Variants in MORC2 observed in about 807,000 individuals in gnomAD.
MORC2 encodes the protein ATPase MORC2.
In MORC2, 30 loss-of-function variants were observed where a neutral mutation model predicts 136.0. The ratio of observed to expected loss-of-function variants is 0.22; its 90% CI spans 0.17 to 0.30. MORC2 has a LOEUF of 0.30. Ranked by LOEUF, MORC2 falls within the 10% of genes least tolerant of loss-of-function variation. The pLI, the probability that MORC2 is intolerant of heterozygous loss-of-function variation, is 1.00. For missense variants in MORC2, 922 were observed against 1,333.1 expected, an observed-to-expected ratio of 0.69 and a Z score of 4.80; for synonymous variants, 439 against 487.0, an observed-to-expected ratio of 0.90 and a Z score of 1.30.
intron 3 of MORC2, among the ~76,000 whole-genome samples, chr22:30,955,166 C>G (rs1417483295): frequency 2.0e-5 from 3 of 152,092 alleles, no homozygotes; most frequent in African/African-American, 7.2e-5. Flanking sequence ...CCATGTTGGT[C>G]AGGCTGGTCT....
chr22:30,933,130 AG>A, intron 21 of MORC2, 100 bp from the exon 22 acceptor site: 1 of 1,503,914 alleles, frequency 6.6e-7, no homozygotes. Context: ...TTTGGAGGAC[AG>A]GAACACTTAG....
Position 30,958,836 on chromosome 22 carries a change from T to C in MORC2, c.69-142A>G. ...GCATTGTTTTTATACTACTCAAGGC[T>C]TTCCAGAGCTCCCCAACTCCCCTCA... On this transcript the variant is annotated intron_variant, in intron 1 of 25. Coordinates refer to ENST00000397641, the MANE Select transcript of MORC2 (RefSeq NM_001303256.3). 3 of 632,720 alleles carry C rather than the reference T, an allele frequency of 4.7e-6. No homozygotes were observed. The East Asian group carries it at 8.7e-5, about 18-fold the overall frequency. 39.2% of individuals were successfully genotyped at this position (632,720 alleles called of 1,614,324 possible).
At chr22:30,967,316 G>C in intron 1 of MORC2, 3 of 987,484 alleles carry the variant, frequency 3.0e-6, no homozygotes, top group Non-Finnish European at 3.6e-6. Flanking sequence ...AAATAATATT[G>C]GATGTGAGCA....
chr22:30,965,852 T>C (rs2147330631), intron 1 of MORC2, among the ~76,000 whole-genome samples: 1 of 152,352 alleles, frequency 6.6e-6, no homozygotes, highest in East Asian at 1.9e-4. Context: ...ACCCTTTGCT[T>C]TATAGACAAG....
At chr22:30,939,495 C>T in intron 12 of MORC2, 126 bp downstream of exon 12, 2 of 872,814 alleles carry the variant, frequency 2.3e-6, no homozygotes, top group Non-Finnish European at 3.5e-6. Flanking sequence ...TTCCCTCCTG[C>T]AGGAGGCATT....
In MORC2 at chr22:30,937,619, G is replaced by A. The variant is rs1356503784; in HGVS notation, c.1462C>T (p.Arg488Trp). The change falls in exon 15 of 26, where the codon CGG (arginine) becomes TGG (tryptophan). Residue 488 changes from arginine (R) to tryptophan (W), a missense_variant. Arg to Trp is a moderately radical substitution (Grantham distance 101). This residue lies in a region of MORC2 where 119 missense variants were observed against 202.7 expected (regional missense o/e 0.59). Transcript: ENST00000397641. The surrounding 1 kb of genome is among the most constrained non-coding windows in gnomAD (Gnocchi z 4.7). Reference protein sequence around the residue: ...PPSSELRYKRRRAMEIPTTIQ... With the variant: ...PPSSELRYKRWRAMEIPTTIQ... ...GTGGTGGGGATTTCCATAGCTCTCCGGCGTTTGTAACGCAGCTCACTGGAT... is the reference window on the plus strand; with the variant it reads ...GTGGTGGGGATTTCCATAGCTCTCCAGCGTTTGTAACGCAGCTCACTGGAT... 1.9e-6 allele frequency: 3 copies of A among 1,613,424 alleles called. No homozygotes were observed. Among genetic ancestry groups the A allele is most frequent in the South Asian group, 1.1e-5 (1 of 91,038 alleles).
chr22:30,951,211 AG>A (rs2040881381), intron 3 of MORC2, among the ~76,000 whole-genome samples: 1 of 152,230 alleles, frequency 6.6e-6, no homozygotes, highest in Non-Finnish European at 1.5e-5. Context: ...CCAACAGAAA[AG>A]GAACACAACA....
chr22:30,932,201 CT>C lies in MORC2; in HGVS notation c.2841+157del. On this transcript the variant is annotated intron_variant, in intron 24 of 25. Transcript: ENST00000397641. The surrounding 1 kb of genome is among the most constrained non-coding windows in gnomAD (Gnocchi z 4.4). ...TTTTTCCCACATCATAAACTCTCCT[CT>C]TCTTTCAGCAGGAGAGAGGCTGGCT... is the stretch of plus-strand genomic sequence containing the variant. 1.4e-6 allele frequency: 1 copy of C among 734,780 alleles called. No homozygotes were observed. Among genetic ancestry groups the C allele is most frequent in the Non-Finnish European group, 2.2e-6 (1 of 447,874 alleles). 45.5% of individuals were successfully genotyped at this position (734,780 alleles called of 1,614,324 possible).
Position 30,968,137 on chromosome 22 carries a change from T to C in MORC2, c.-248A>G. Reference sequence around the variant, plus strand: ...ATTTTGGAAGGAACTATGTCATAAATCTGTAGCTTTAAGGAGCTTTTAGCA... The same window carrying C: ...ATTTTGGAAGGAACTATGTCATAAACCTGTAGCTTTAAGGAGCTTTTAGCA... On this transcript the variant is annotated 5_prime_UTR_variant, in exon 1 of 26. Coordinates refer to ENST00000397641, the MANE Select transcript of MORC2 (RefSeq NM_001303256.3). 1 of 467,762 alleles carries C rather than the reference T, an allele frequency of 2.1e-6. No homozygotes were observed. Among genetic ancestry groups the C allele is most frequent in the Non-Finnish European group, 3.8e-6 (1 of 259,968 alleles). 29.0% of individuals were successfully genotyped at this position (467,762 alleles called of 1,614,324 possible).
chr22:30,943,324 A>C (rs568512834), intron 6 of MORC2, among the ~76,000 whole-genome samples: 1 of 152,268 alleles, frequency 6.6e-6, no homozygotes, highest in Admixed American at 6.5e-5. Flanking sequence ...GGGCACAAGA[A>C]GAAATATGAC....
chr22:30,952,190 T>C (rs1287753160), intron 3 of MORC2, among the ~76,000 whole-genome samples: 1 of 152,180 alleles, frequency 6.6e-6, no homozygotes, highest in Non-Finnish European at 1.5e-5. Flanking sequence ...GGAAGCCAAG[T>C]GTCATAAGGA....
intron 5 of MORC2, among the ~76,000 whole-genome samples, chr22:30,948,919 G>A (rs1227491814): frequency 6.6e-6 from 1 of 152,142 alleles, no homozygotes; most frequent in Non-Finnish European, 1.5e-5. Context: ...TTCTTCGGAA[G>A]TACTCTCTTT....
At chr22:30,964,048 T>C (rs1022172987) in intron 1 of MORC2, among the ~76,000 whole-genome samples, 2 of 152,094 alleles carry the variant, frequency 1.3e-5, no homozygotes, top group Non-Finnish European at 2.9e-5. Context: ...CTACATTCAC[T>C]TCACATACCC....
intron 5 of MORC2, among the ~76,000 whole-genome samples, chr22:30,948,198 T>C (rs932947188): frequency 2.0e-5 from 3 of 152,134 alleles, no homozygotes; most frequent in Admixed American, 2.0e-4. Context: ...GTGAAATGGC[T>C]TGCCTGAGGC....
intron 24 of MORC2, among the ~76,000 whole-genome samples, chr22:30,930,701 T>G (rs892186505): frequency 2.6e-5 from 4 of 152,250 alleles, no homozygotes; most frequent in Non-Finnish European, 5.9e-5. Flanking sequence ...ATACTAATCC[T>G]GCAGTTTCCA....
In MORC2 at chr22:30,934,228, G is replaced by A. The variant is rs757581900; in HGVS notation, c.2194-37C>T. The A allele has an allele frequency of 1.2e-6, 2 of 1,613,534 alleles. No individual in the cohort carries two copies. Among genetic ancestry groups the A allele is most frequent in the Admixed American group, 1.7e-5 (1 of 59,952 alleles). On this transcript the variant is annotated intron_variant, in intron 19 of 25. Coordinates refer to ENST00000397641, the MANE Select transcript of MORC2 (RefSeq NM_001303256.3). The surrounding 1 kb of genome is among the most constrained non-coding windows in gnomAD (Gnocchi z 4.4). Reference sequence around the variant, plus strand: ...GGAGCGTGAGGATGTGAGGGGCCCTGTTCAGCCTCTAAGGAGCAGGAAGAT... The same window carrying A: ...GGAGCGTGAGGATGTGAGGGGCCCTATTCAGCCTCTAAGGAGCAGGAAGAT...
At position 30,946,443 on chromosome 22, in the gene MORC2, T is replaced by C; in HGVS notation, c.324A>G (p.Ser108=). 1 of 1,608,120 alleles carries C rather than the reference T, an allele frequency of 6.2e-7. No individual in the cohort carries two copies. Among genetic ancestry groups the C allele is most frequent in the Non-Finnish European group, 8.5e-7 (1 of 1,177,164 alleles). Residue 108 remains serine (S), a synonymous_variant, in exon 6 of 26, where the codon TCA becomes TCG. Coordinates refer to ENST00000397641, the MANE Select transcript of MORC2 (RefSeq NM_001303256.3). The part of the protein sequence containing the change: ...GQYGNGLKSG[S]MRIGKDFILF... ...GGATAAAATCCTTCCCAATGCGCAT[T>C]GAGCCCCTGAAAAGGAAACAGAAAT...
rs1430896723 is a variant in MORC2, at chr22:30,968,026, G to A, written c.-137C>T. The A allele has an allele frequency of 1.0e-5, 7 of 694,866 alleles. No homozygotes were observed. In the African/African-American group the frequency reaches 1.1e-4, roughly 11 times the overall value. 43.0% of individuals were successfully genotyped at this position (694,866 alleles called of 1,614,324 possible). ...TAATGACAGTTAAAGTAACCTAGTA[G>A]CTATCCAAAATATATGCAGAGATGT... On this transcript the variant is annotated 5_prime_UTR_variant, in exon 1 of 26. Transcript: ENST00000397641.
intron 2 of MORC2, 138 bp from the exon 3 acceptor site, chr22:30,956,935 A>T (rs1359404850): frequency 3.1e-6 from 2 of 645,554 alleles, no homozygotes; most frequent in East Asian, 6.3e-5. Context: ...GACATTTAGA[A>T]TTTTTTTTAC....
Sources: allele counts gnomAD v4.1 joint callset (sites outside exome capture counted in the v4.1 genomes callset), GRCh38; gene constraint gnomAD v4.1.1; regional missense constraint gnomAD v4.1.1; non-coding constraint Gnocchi (gnomAD v3.1); transcripts MANE v1.5; gene names NCBI Gene and HGNC (gene_info 2026-07-23, HGNC 2026-07-21).